Variants in SLC2A13 observed in about 807,000 individuals in gnomAD.
SLC2A13 encodes solute carrier family 2 member 13, also known as proton myo-inositol cotransporter.
SLC2A13 carries 32 observed loss-of-function variants against 64.4 expected under a neutral mutation model. The ratio of observed to expected loss-of-function variants is 0.50; its 90% CI spans 0.37 to 0.67. SLC2A13 has a LOEUF of 0.67. Among genes scored for constraint, SLC2A13 ranks in the 30% least tolerant of loss-of-function variants. SLC2A13 has a pLI of 0.00. For missense variants in SLC2A13, 743 were observed against 829.2 expected, an observed-to-expected ratio of 0.90 and a Z score of 1.28; for synonymous variants, 338 against 327.1, an observed-to-expected ratio of 1.03 and a Z score of -0.36.
intron 3 of SLC2A13, among the ~76,000 whole-genome samples, chr12:39,974,856 A>G (rs1204515137): frequency 1.3e-5 from 2 of 152,124 alleles, no homozygotes; most frequent in African/African-American, 4.8e-5. Context: ...CTTTTACATA[A>G]TTTTTCACAG....
intron 3 of SLC2A13, among the ~76,000 whole-genome samples, chr12:39,998,199 C>T (rs1310859236): frequency 6.6e-6 from 1 of 152,132 alleles, no homozygotes; most frequent in African/African-American, 2.4e-5. Flanking sequence ...ACTACTCAGC[C>T]ATAAAAAGGA....
chr12:39,829,903 G>A, intron 7 of SLC2A13, 200 bp downstream of exon 7: 1 of 656,206 alleles, frequency 1.5e-6, no homozygotes, highest in East Asian at 3.0e-5. Flanking sequence ...CAAAAGTCTA[G>A]GCCTGAGTGC....
chr12:39,886,191 T>C (rs191714661), intron 4 of SLC2A13, among the ~76,000 whole-genome samples: 16 of 152,224 alleles, frequency 1.1e-4, no homozygotes, highest in Admixed American at 1.0e-3. Context: ...GAGGAACTAG[T>C]TGAACTGTAA....
chr12:39,964,994 C>T (rs1210938827), intron 3 of SLC2A13, among the ~76,000 whole-genome samples: 1 of 152,096 alleles, frequency 6.6e-6, no homozygotes, highest in African/African-American at 2.4e-5. Context: ...GCCATTTAGT[C>T]TTCTTGTCTT....
At position 39,769,081 on chromosome 12, in the gene SLC2A13, A is replaced by G. The variant is rs150031363; in HGVS notation, c.1446-4223T>C. 6.6e-3 allele frequency among the ~76,000 whole-genome samples: 1,007 copies of G among 152,094 alleles called. 8 individuals carry two copies. Among genetic ancestry groups the G allele is most frequent in the Admixed American group, 0.01 (158 of 15,258 alleles). ...CTCAGAAACTGAGCAGTGTTATGAA[A>G]CCATGCTGTTGGGCTGTATTAAAAG... On this transcript the variant is annotated intron_variant, in intron 7 of 9. Coordinates refer to ENST00000280871, the MANE Select transcript of SLC2A13 (RefSeq NM_052885.4).
chr12:39,801,173 C>G (rs1263945132), intron 7 of SLC2A13, among the ~76,000 whole-genome samples: 4 of 111,798 alleles, frequency 3.6e-5, no homozygotes, highest in Non-Finnish European at 7.4e-5. Context: ...GTGCAGCACA[C>G]CAGCATGGCA....
At chr12:39,856,810 T>G (rs543319437) in intron 6 of SLC2A13, among the ~76,000 whole-genome samples, 2 of 152,352 alleles carry the variant, frequency 1.3e-5, no homozygotes, top group East Asian at 3.9e-4. Flanking sequence ...TACCAGAGTG[T>G]TTTAAGTGTT....
intron 1 of SLC2A13, among the ~76,000 whole-genome samples, chr12:40,090,580 AATAT>A (rs930760414): frequency 1.4e-5 from 2 of 143,884 alleles, no homozygotes; most frequent in Admixed American, 8.1e-5. Context: ...CTGTATTCTT[AATAT>A]ATATTCATGT....
intron 1 of SLC2A13, among the ~76,000 whole-genome samples, chr12:40,067,786 A>C (rs1937791836): frequency 6.6e-6 from 1 of 152,088 alleles, no homozygotes; most frequent in Non-Finnish European, 1.5e-5. Flanking sequence ...TCTCTCCCCA[A>C]ACTTTATATT....
Position 39,780,873 on chromosome 12 carries a change from T to A in SLC2A13, c.1446-16015A>T, listed in dbSNP as rs972434055. 2.0e-5 allele frequency among the ~76,000 whole-genome samples: 3 copies of A among 152,328 alleles called. No homozygotes were observed. In the East Asian group the frequency reaches 5.8e-4, roughly 29 times the overall value. On this transcript the variant is annotated intron_variant, in intron 7 of 9. Transcript: ENST00000280871. ...TAAAAAAACTTCCCCTAGAAGCTGC[T>A]TAGAGTATGAAAATACATGTGGAGT...
chr12:39,918,386 A>C (rs565898435), intron 4 of SLC2A13, among the ~76,000 whole-genome samples: 1 of 151,008 alleles, frequency 6.6e-6, no homozygotes, highest in South Asian at 2.1e-4. Flanking sequence ...TTCGGTACGA[A>C]ACAAGAGTCT....
intron 2 of SLC2A13, among the ~76,000 whole-genome samples, chr12:40,042,329 T>A (rs1209833701): frequency 6.6e-6 from 1 of 152,070 alleles, no homozygotes; most frequent in Non-Finnish European, 1.5e-5. Context: ...CCTATCCCTA[T>A]TAATACAAAT....
intron 1 of SLC2A13, among the ~76,000 whole-genome samples, chr12:40,066,184 G>A (rs1452047387): frequency 2.6e-5 from 4 of 152,158 alleles, no homozygotes; most frequent in African/African-American, 4.8e-5. Flanking sequence ...TCCAGGCAAA[G>A]AGGTCAACCA....
chr12:40,092,879 T>A (rs1336154350), intron 1 of SLC2A13, among the ~76,000 whole-genome samples: 1 of 152,184 alleles, frequency 6.6e-6, no homozygotes, highest in Non-Finnish European at 1.5e-5. Context: ...AATTCCAGGT[T>A]CAAACACGAA....
At chr12:39,915,919 TAAAG>T (rs1270396423) in intron 4 of SLC2A13, among the ~76,000 whole-genome samples, 1 of 151,786 alleles carries the variant, frequency 6.6e-6, no homozygotes, top group Non-Finnish European at 1.5e-5. Flanking sequence ...ACAAAAAACT[TAAAG>T]AAATCAAGAA....
intron 1 of SLC2A13, among the ~76,000 whole-genome samples, chr12:40,099,129 C>T (rs963247309): frequency 6.6e-6 from 1 of 152,126 alleles, no homozygotes; most frequent in Non-Finnish European, 1.5e-5. Context: ...TTAGAAGTAC[C>T]CGTAAAACTT....
intron 7 of SLC2A13, among the ~76,000 whole-genome samples, chr12:39,809,599 G>A (rs531640034): frequency 2.6e-5 from 4 of 152,200 alleles, no homozygotes; most frequent in African/African-American, 9.6e-5. Context: ...TTGGTGTGCT[G>A]CACCCATTAA....
chr12:40,095,466 T>G (rs898162100), intron 1 of SLC2A13, among the ~76,000 whole-genome samples: 2 of 152,224 alleles, frequency 1.3e-5, no homozygotes, highest in African/African-American at 4.8e-5. Flanking sequence ...TACAAGTAGG[T>G]TCTATTCTTT....
intron 3 of SLC2A13, among the ~76,000 whole-genome samples, chr12:40,024,804 AT>A (rs1947777309): frequency 6.6e-6 from 1 of 152,162 alleles, no homozygotes; most frequent in African/African-American, 2.4e-5. Context: ...GACTTTCAAA[AT>A]CCTAAAAAAA....
Sources: allele counts gnomAD v4.1 joint callset (sites outside exome capture counted in the v4.1 genomes callset), GRCh38; gene constraint gnomAD v4.1.1; transcripts MANE v1.5; gene names NCBI Gene and HGNC (gene_info 2026-07-23, HGNC 2026-07-21).